The following ZNF329 variants were observed in gnomAD, a reference collection of about 807,000 sequenced individuals.
The protein encoded by ZNF329 is zinc finger protein 329.
ZNF329 carries 15 observed loss-of-function variants against 26.6 expected under a neutral mutation model. The ratio of observed to expected loss-of-function variants is 0.56; its 90% CI spans 0.38 to 0.87. The LOEUF (loss-of-function observed/expected upper bound fraction) is 0.87, where lower values mean the gene tolerates loss of function less well. Ranked by LOEUF, ZNF329 falls within the 40% of genes least tolerant of loss-of-function variation. ZNF329 has a pLI of 0.00. For synonymous variants in ZNF329, 239 were observed against 233.5 expected (o/e 1.02, Z -0.21); for missense variants, 651 against 651.9 (o/e 1.00, Z 0.02).
Position 58,128,888 on chromosome 19 carries a change from T to C in ZNF329, c.616A>G (p.Thr206Ala), listed in dbSNP as rs2074867862. The change falls in exon 4 of 4, where the codon ACT becomes GCT. Residue 206 changes from threonine (T) to alanine (A), a missense_variant. Thr to Ala is a moderately conservative substitution (Grantham distance 58). Transcript: ENST00000598312. The part of the protein sequence containing the change: ...NLPGEKQYRC[T>A]ECGKCFKRNS... ...CGTTTGAAGCATTTGCCACATTCAG[T>C]ACATCTATATTGTTTCTCTCCAGGG... 2 of 1,614,118 alleles carry C rather than the reference T, an allele frequency of 1.2e-6. No individual in the cohort carries two copies. The highest frequency in any genetic ancestry group is 1.7e-6 in the Non-Finnish European group (2 of 1,180,002).
Position 58,129,057 on chromosome 19 carries a change from G to A in ZNF329, c.447C>T (p.Tyr149=), listed in dbSNP as rs775855769. The change falls in exon 4 of 4, where the codon TAC becomes TAT. Residue 149 remains tyrosine (Y), a synonymous_variant. Transcript: ENST00000598312. ...RNPVREKPYK[Y]PESVKSFNHF... ...GATTAAAAGACTTAACACTTTCAGG[G>A]TATTTGTAGGGCTTCTCTCTCACTG... 6 of 1,613,938 alleles carry A rather than the reference G, an allele frequency of 3.7e-6. No individual in the cohort carries two copies. The highest frequency in any genetic ancestry group is 1.7e-4 in the Middle Eastern group (1 of 6,060).
upstream of ZNF329, among the ~76,000 whole-genome samples, chr19:58,154,209 A>G (rs1344112507): frequency 6.6e-6 from 1 of 152,014 alleles, no homozygotes; most frequent in Non-Finnish European, 1.5e-5. Context: ...GGGTTTCACC[A>G]TGTTGGCCAG....
At chr19:58,133,012 C>T (rs1022054163) in intron 3 of ZNF329, among the ~76,000 whole-genome samples, 2 of 152,056 alleles carry the variant, frequency 1.3e-5, no homozygotes, top group African/African-American at 2.4e-5. Flanking sequence ...CAGGGTTTCA[C>T]TATGTTAGCC....
chr19:58,145,314 CTTTTTTTTTTTTTT>C (rs71188087), intron 1 of ZNF329, among the ~76,000 whole-genome samples: 5 of 106,182 alleles, frequency 4.7e-5, no homozygotes, highest in South Asian at 2.9e-4. Flanking sequence ...TTTTTTCTTC[CTTTTTTTTTTTTTT>C]TTTTTTTTTT....
Position 58,128,337 on chromosome 19 carries a change from A to G in ZNF329, c.1167T>C (p.His389=), listed in dbSNP as rs575654626. ...SFNRNSHLIV[H]QKIHSGEKPY... is the part of the protein sequence containing the mutation. The stretch of plus-strand genomic sequence containing the variant: ...GTTTCTCCCCAGAATGGATCTTTTG[A>G]TGCACAATGAGGTGAGAGTTTCTGT... The change falls in exon 4 of 4, where the codon CAT becomes CAC. Residue 389 remains histidine, a synonymous_variant. Transcript: ENST00000598312. The G allele has an allele frequency of 1.2e-6, 2 of 1,614,042 alleles. No homozygotes were observed. Among genetic ancestry groups the G allele is most frequent in the Admixed American group, 3.3e-5 (2 of 60,010 alleles).
intron 3 of ZNF329, among the ~76,000 whole-genome samples, chr19:58,135,550 G>A (rs955804815): frequency 6.6e-6 from 1 of 152,192 alleles, no homozygotes; most frequent in Non-Finnish European, 1.5e-5. Flanking sequence ...ATAGGCATGA[G>A]CCACTGCACC....
chr19:58,139,890 T>C (rs2075147299), intron 3 of ZNF329, among the ~76,000 whole-genome samples: 1 of 152,164 alleles, frequency 6.6e-6, no homozygotes, highest in African/African-American at 2.4e-5. Context: ...ATAACAAGTA[T>C]TGGCAAGGAT....
chr19:58,145,250 A>G (rs192509), intron 1 of ZNF329, among the ~76,000 whole-genome samples: 1 of 151,142 alleles, frequency 6.6e-6, no homozygotes, highest in Admixed American at 6.6e-5. Flanking sequence ...TCAGATTCCC[A>G]AAGTGCTGGG....
rs932312099 is a variant in ZNF329, at chr19:58,144,394, A to AT, written c.-207-1197dup. Among the ~76,000 whole-genome samples the AT allele has an allele frequency of 7.1e-3, 806 of 113,520 alleles. 12 individuals are homozygous for AT. Among genetic ancestry groups the AT allele is most frequent in the African/African-American group, 0.026 (758 of 28,994 alleles). 74.5% of individuals were successfully genotyped at this position (113,520 alleles called of 152,430 possible). ...TATCTATCTATCTATATATATATAT[A>AT]TATTTTTTTTTTGAGACGGAGTCTC... On this transcript the variant is annotated intron_variant, in intron 1 of 3. Coordinates refer to ENST00000598312, the MANE Select transcript of ZNF329 (RefSeq NM_024620.4).
chr19:58,150,752 G>C lies in ZNF329; in HGVS notation c.-208C>G, dbSNP rs908388738. ...GGCTCAGGGATGCGTCGGCACTTAC[G>C]GTTGGCGGCCGGCGGCAGCCATGTT... On this transcript the variant is annotated splice_region_variant and 5_prime_UTR_variant, in exon 1 of 4. Transcript: ENST00000598312. The C allele has an allele frequency of 6.5e-6, 1 of 152,724 alleles. No homozygotes were observed. Among genetic ancestry groups the C allele is most frequent in the Admixed American group, 6.5e-5 (1 of 15,292 alleles). The allele number at this position is 152,724 out of a possible 1,614,324, so 9.5% of individuals were successfully genotyped here.
intron 1 of ZNF329, among the ~76,000 whole-genome samples, chr19:58,147,096 A>G (rs1263042389): frequency 2.1e-5 from 3 of 142,864 alleles, no homozygotes; most frequent in African/African-American, 5.3e-5. Flanking sequence ...CATCCCATCT[A>G]GGAAGTGAGG....
intron 1 of ZNF329, among the ~76,000 whole-genome samples, chr19:58,150,182 T>C (rs8109043): frequency 0.27 from 40,921 of 152,040 alleles, 5,850 homozygotes; most frequent in Middle Eastern, 0.36. Context: ...CGTGCAAAAA[T>C]GCGGCCCTCA....
chr19:58,129,938 C>T (rs1169460197), intron 3 of ZNF329, among the ~76,000 whole-genome samples: 1 of 152,178 alleles, frequency 6.6e-6, no homozygotes, highest in Admixed American at 6.5e-5. Context: ...CAGTTCTCAC[C>T]CCAGCTCTGT....
upstream of ZNF329, among the ~76,000 whole-genome samples, chr19:58,154,417 C>A (rs1364873294): frequency 6.6e-6 from 1 of 152,188 alleles, no homozygotes; most frequent in Non-Finnish European, 1.5e-5. Context: ...GCCGGATCAG[C>A]TTCTGCTCAC....
At chr19:58,130,495 A>T (rs1279054365) in intron 3 of ZNF329, among the ~76,000 whole-genome samples, 1 of 150,586 alleles carries the variant, frequency 6.6e-6, no homozygotes, top group Non-Finnish European at 1.5e-5. Context: ...ACGTGGTGAA[A>T]CCCCGTCTCT....
intron 3 of ZNF329, among the ~76,000 whole-genome samples, chr19:58,138,663 C>T (rs2075121991): frequency 6.6e-6 from 1 of 152,170 alleles, no homozygotes; most frequent in African/African-American, 2.4e-5. Flanking sequence ...AAGCACCTCC[C>T]CGCACGTTTG....
intron 1 of ZNF329, among the ~76,000 whole-genome samples, chr19:58,147,780 GC>G (rs373093570): frequency 0.99 from 132,903 of 133,972 alleles, 65,918 homozygotes; most frequent in Non-Finnish European, 0.99. Flanking sequence ...GGGGGGGTCA[GC>G]CCCCCCACCC....
chr19:58,152,997 G>A (rs1160546832), upstream of ZNF329, among the ~76,000 whole-genome samples: 1 of 152,210 alleles, frequency 6.6e-6, no homozygotes, highest in Non-Finnish European at 1.5e-5. Flanking sequence ...TAATAATCTA[G>A]TAATAAAGTT....
intron 1 of ZNF329, among the ~76,000 whole-genome samples, chr19:58,143,538 C>T (rs75804166): frequency 0.045 from 6,877 of 152,188 alleles, 525 homozygotes; most frequent in African/African-American, 0.16. Flanking sequence ...AGTCAAGGCT[C>T]CTCCTTAAAG....
Sources: allele counts gnomAD v4.1 joint callset (sites outside exome capture counted in the v4.1 genomes callset), GRCh38; gene constraint gnomAD v4.1.1; transcripts MANE v1.5; gene names NCBI Gene and HGNC (gene_info 2026-07-23, HGNC 2026-07-21).